Variants in AGBL1 observed in about 807,000 individuals in gnomAD.
AGBL1 encodes cytosolic carboxypeptidase 4.
A neutral mutation model predicts 118.9 loss-of-function variants in AGBL1; 130 were observed. That is an observed-to-expected ratio of 1.09 (90% CI 0.95 to 1.26). The LOEUF (loss-of-function observed/expected upper bound fraction) is 1.26, where lower values mean the gene tolerates loss of function less well. Ranked by LOEUF, AGBL1 falls within the 50% of genes most tolerant of loss-of-function variation. The pLI is 0.00. For synonymous variants in AGBL1, 555 were observed against 478.9 expected, an observed-to-expected ratio of 1.16 and a Z score of -2.08; for missense variants, 1,584 against 1,298.1, an observed-to-expected ratio of 1.22 and a Z score of -3.38.
intron 5 of AGBL1, among the ~76,000 whole-genome samples, chr15:86,219,730 AG>A (rs1254560445): frequency 3.3e-5 from 5 of 152,122 alleles, no homozygotes; most frequent in African/African-American, 1.2e-4. Context: ...AAGCTGGACA[AG>A]TTGTTTGCCT....
chr15:86,397,637 C>A, intron 18 of AGBL1, 91 bp downstream of exon 18: 1 of 1,210,102 alleles, frequency 8.3e-7, no homozygotes, highest in Non-Finnish European at 1.2e-6. Context: ...GGAGAGGCCT[C>A]GGTACTCTGT....
chr15:86,758,763 G>C (rs1409818836), intron 22 of AGBL1, among the ~76,000 whole-genome samples: 1 of 151,812 alleles, frequency 6.6e-6, no homozygotes, highest in Non-Finnish European at 1.5e-5. Flanking sequence ...CCTGAGCACA[G>C]GAGTTTGAGA....
chr15:86,097,356 A>T (rs1369651455), intron 1 of AGBL1, among the ~76,000 whole-genome samples: 1 of 152,104 alleles, frequency 6.6e-6, no homozygotes, highest in Non-Finnish European at 1.5e-5. Flanking sequence ...TTAAATATAC[A>T]ATACATTGTT....
At chr15:86,270,950 A>G (rs2079149988) in intron 14 of AGBL1, among the ~76,000 whole-genome samples, 2 of 151,402 alleles carry the variant, frequency 1.3e-5, no homozygotes, top group African/African-American at 4.9e-5. Flanking sequence ...CTAGAGTAGC[A>G]TTCTCTGCAT....
intron 24 of AGBL1, among the ~76,000 whole-genome samples, chr15:87,025,088 C>G (rs1302967420): frequency 1.3e-5 from 2 of 152,020 alleles, no homozygotes; most frequent in Admixed American, 6.6e-5. Context: ...GATGGCCACT[C>G]TCACCACTCC....
At chr15:86,410,837 T>TATATATATATATATAA (rs1324615516) in intron 18 of AGBL1, among the ~76,000 whole-genome samples, 1 of 101,190 alleles carries the variant, frequency 9.9e-6, no homozygotes, top group African/African-American at 4.5e-5. Flanking sequence ...TATATATATA[T>TATATATATATATATAA]ATATAATATA....
At chr15:86,729,070 A>C (rs1189004330) in intron 22 of AGBL1, among the ~76,000 whole-genome samples, 1 of 152,208 alleles carries the variant, frequency 6.6e-6, no homozygotes, top group East Asian at 1.9e-4. Flanking sequence ...ACATTTATCT[A>C]AGCTCCCTCC....
At chr15:86,887,701 C>A (rs140621496) in intron 22 of AGBL1, among the ~76,000 whole-genome samples, 76 of 152,252 alleles carry the variant, frequency 5.0e-4, no homozygotes, top group African/African-American at 1.7e-3. Flanking sequence ...TTGTTCCATG[C>A]ACCTCACCAA....
intron 24 of AGBL1, among the ~76,000 whole-genome samples, chr15:86,992,298 G>A (rs890027574): frequency 1.3e-5 from 2 of 152,024 alleles, no homozygotes; most frequent in African/African-American, 2.4e-5. Flanking sequence ...CCTCCCACCC[G>A]GCCTCGGCTC....
intron 1 of AGBL1, among the ~76,000 whole-genome samples, chr15:86,118,499 T>C (rs531853540): frequency 1.2e-4 from 18 of 150,334 alleles, no homozygotes; most frequent in Middle Eastern, 3.5e-3. Context: ...AATGAGAAGT[T>C]GCATCTTAAA....
chr15:86,377,641 G>A (rs1352171214), intron 17 of AGBL1, among the ~76,000 whole-genome samples: 1 of 152,122 alleles, frequency 6.6e-6, no homozygotes, highest in East Asian at 1.9e-4. Flanking sequence ...TGACATCTCA[G>A]AGTAAGTGGT....
rs149369322 is a variant in AGBL1 at position 86,205,248 on chromosome 15, C to T, written c.489-19666C>T. 5.4e-4 allele frequency among the ~76,000 whole-genome samples: 82 copies of T among 152,292 alleles called. No homozygotes were observed. The Middle Eastern group carries it at 0.01, about 19-fold the overall frequency. On this transcript the variant is annotated intron_variant, in intron 5 of 22. Transcript: ENST00000614907. Reference sequence around the variant, plus strand: ...GGCTGCATTCACTTAGCAATATGCACTTAAGGGTTCTCTGTGTCTTTTCAT... The same window carrying T: ...GGCTGCATTCACTTAGCAATATGCATTTAAGGGTTCTCTGTGTCTTTTCAT...
intron 22 of AGBL1, among the ~76,000 whole-genome samples, chr15:86,793,582 C>A (rs1291666854): frequency 6.6e-6 from 1 of 152,090 alleles, no homozygotes; most frequent in East Asian, 1.9e-4. Flanking sequence ...AATATGATAG[C>A]AGAAGCACAA....
At chr15:86,959,748 T>C (rs556169574) in intron 23 of AGBL1, among the ~76,000 whole-genome samples, 2 of 152,212 alleles carry the variant, frequency 1.3e-5, no homozygotes, top group East Asian at 3.9e-4. Context: ...TGTGCTCATT[T>C]GCTTCAATAC....
chr15:86,711,131 G>A (rs1488915740), intron 22 of AGBL1, among the ~76,000 whole-genome samples: 1 of 152,112 alleles, frequency 6.6e-6, no homozygotes, highest in East Asian at 1.9e-4. Context: ...TAATACTGAG[G>A]TCCAAGCTCT....
intron 22 of AGBL1, among the ~76,000 whole-genome samples, chr15:86,681,027 C>T (rs575149712): frequency 1.3e-5 from 2 of 152,004 alleles, no homozygotes; most frequent in Non-Finnish European, 2.9e-5. Flanking sequence ...TGAATATGAA[C>T]ATTCTATTCT....
At chr15:86,666,981 G>C (rs988629247) in intron 21 of AGBL1, among the ~76,000 whole-genome samples, 2 of 152,090 alleles carry the variant, frequency 1.3e-5, no homozygotes, top group African/African-American at 2.4e-5. Flanking sequence ...GGGCTCATAT[G>C]AGATGACTTG....
chr15:86,575,136 C>T (rs147887342), intron 21 of AGBL1, among the ~76,000 whole-genome samples: 48 of 152,066 alleles, frequency 3.2e-4, no homozygotes, highest in African/African-American at 1.2e-3. Context: ...TGACCGTGAG[C>T]CAAGATCACA....
intron 1 of AGBL1, among the ~76,000 whole-genome samples, chr15:86,101,683 T>C (rs1896730811): frequency 6.6e-6 from 1 of 151,934 alleles, no homozygotes; most frequent in Non-Finnish European, 1.5e-5. Flanking sequence ...CTGCTATAAG[T>C]ATAGCTACTG....
Sources: allele counts gnomAD v4.1 joint callset (sites outside exome capture counted in the v4.1 genomes callset), GRCh38; gene constraint gnomAD v4.1.1; transcripts MANE v1.5; gene names NCBI Gene and HGNC (gene_info 2026-07-23, HGNC 2026-07-21).